The following KMO variants were observed in gnomAD, a reference collection of about 807,000 sequenced individuals.
The protein encoded by KMO is kynurenine 3-hydroxylase.
Under a neutral mutation model 57.8 loss-of-function variants are expected in KMO, and 24 were observed. The ratio of observed to expected loss-of-function variants is 0.42; its 90% CI spans 0.30 to 0.58. The LOEUF (loss-of-function observed/expected upper bound fraction) is 0.58. Among genes scored for constraint, KMO ranks in the 20% least tolerant of loss-of-function variants. KMO has a pLI of 0.22. For missense variants in KMO, 483 were observed against 588.2 expected (o/e 0.82, Z 1.85); for synonymous variants, 210 against 193.6 (o/e 1.08, Z -0.70).
intron 1 of KMO, among the ~76,000 whole-genome samples, chr1:241,548,387 T>C (rs1165983636): frequency 6.6e-6 from 1 of 152,160 alleles, no homozygotes; most frequent in East Asian, 1.9e-4. Context: ...AGAATAATGT[T>C]TACGTCTATG....
intron 12 of KMO, among the ~76,000 whole-genome samples, chr1:241,589,381 T>C (rs1558433069): frequency 6.6e-6 from 1 of 152,218 alleles, no homozygotes; most frequent in Non-Finnish European, 1.5e-5. Flanking sequence ...ATTGTGATTA[T>C]AGTTTTAAAA....
At chr1:241,591,178 C>A (rs953281069) in intron 14 of KMO, among the ~76,000 whole-genome samples, 2 of 152,078 alleles carry the variant, frequency 1.3e-5, no homozygotes, top group African/African-American at 2.4e-5. Context: ...GGAAAAGATA[C>A]CAGCAGGCAG....
intron 1 of KMO, among the ~76,000 whole-genome samples, chr1:241,539,810 C>T (rs532627888): frequency 1.3e-5 from 2 of 152,218 alleles, no homozygotes; most frequent in African/African-American, 4.8e-5. Context: ...GTGTGGAGCT[C>T]GGAATTGGCC....
intron 1 of KMO, among the ~76,000 whole-genome samples, chr1:241,534,793 A>T (rs144051467): frequency 9.8e-4 from 149 of 152,334 alleles, no homozygotes; most frequent in African/African-American, 3.3e-3. Context: ...GAGTCTGATC[A>T]TTATCATCCC....
At chr1:241,558,431 T>C (rs764335686) in intron 5 of KMO, among the ~76,000 whole-genome samples, 10 of 152,218 alleles carry the variant, frequency 6.6e-5, no homozygotes, top group Non-Finnish European at 1.3e-4. Context: ...TTTAATCAAT[T>C]GTAAATTCTC....
chr1:241,556,680 C>G (rs1305226055), intron 5 of KMO, among the ~76,000 whole-genome samples: 2 of 152,096 alleles, frequency 1.3e-5, no homozygotes, highest in African/African-American at 4.8e-5. Context: ...GAGTTTGAGA[C>G]CAGCCTGGCC....
chr1:241,542,821 A>G (rs1432528819), intron 1 of KMO, among the ~76,000 whole-genome samples: 2 of 152,188 alleles, frequency 1.3e-5, no homozygotes, highest in Non-Finnish European at 2.9e-5. Context: ...TTTCTGTCTT[A>G]GTCCTTCCTG....
intron 12 of KMO, among the ~76,000 whole-genome samples, chr1:241,589,663 T>C (rs975552795): frequency 6.6e-6 from 1 of 152,188 alleles, no homozygotes; most frequent in African/African-American, 2.4e-5. Flanking sequence ...GTAAGCAATA[T>C]TACAAAACAA....
Position 241,592,060 on chromosome 1 carries a change from A to G in KMO, c.1368A>G (p.Pro456=), listed in dbSNP as rs748114336. ...SPRSFLRLRR[P]WNWIAHFRNT... Reference sequence around the variant, plus strand: ...GATCTTTCCTCCGCTTGAGAAGACCATGGAACTGGATAGCTCACTTCCGGA... The same window carrying G: ...GATCTTTCCTCCGCTTGAGAAGACCGTGGAACTGGATAGCTCACTTCCGGA... The change falls in exon 15 of 15, where the codon CCA becomes CCG. Residue 456 remains proline (P), a synonymous_variant. Transcript: ENST00000366559. The G allele has an allele frequency of 1.2e-6, 2 of 1,614,014 alleles. No homozygotes were observed. Among genetic ancestry groups the G allele is most frequent in the Non-Finnish European group, 8.5e-7 (1 of 1,179,928 alleles).
At chr1:241,541,819 A>G (rs1660968407) in intron 1 of KMO, among the ~76,000 whole-genome samples, 1 of 152,196 alleles carries the variant, frequency 6.6e-6, no homozygotes, top group African/African-American at 2.4e-5. Context: ...AAAGATCAAA[A>G]TCTTGAGACG....
At chr1:241,555,877 G>A in intron 5 of KMO, 1 of 381,574 alleles carries the variant, frequency 2.6e-6, no homozygotes, top group Non-Finnish European at 4.7e-6. Context: ...CTTGAGTCCA[G>A]GAATTTGAGA....
At position 241,593,825 on chromosome 1, in the gene KMO, T is replaced by C. The variant is rs1663409268; in HGVS notation, c.*1672T>C. 2 of 153,550 alleles carry C rather than the reference T, an allele frequency of 1.3e-5. No homozygotes were observed. The highest frequency in any genetic ancestry group is 4.8e-5 in the African/African-American group (2 of 41,468). 9.5% of individuals were successfully genotyped at this position (153,550 alleles called of 1,614,324 possible). Reference sequence around the variant, plus strand: ...TGGGGGAAGCAAATATATGGGAGTTTGCCTTGTAGATTCCTCTGGTGCTGG... The same window carrying C: ...TGGGGGAAGCAAATATATGGGAGTTCGCCTTGTAGATTCCTCTGGTGCTGG... On this transcript the variant is annotated 3_prime_UTR_variant, in exon 15 of 15. Coordinates refer to ENST00000366559, the MANE Select transcript of KMO (RefSeq NM_003679.5).
intron 6 of KMO, 49 bp from the exon 7 acceptor site, chr1:241,562,118 T>G: frequency 6.5e-7 from 1 of 1,536,460 alleles, no homozygotes; most frequent in African/African-American, 1.4e-5. Context: ...CATCATCATT[T>G]TCACCACTAG....
chr1:241,589,873 T>C, intron 12 of KMO, 139 bp from the exon 13 acceptor site: 3 of 688,908 alleles, frequency 4.4e-6, no homozygotes, highest in South Asian at 3.6e-5. Flanking sequence ...GGATTGGGAA[T>C]GACATTATGG....
intron 10 of KMO, among the ~76,000 whole-genome samples, chr1:241,583,680 G>T (rs1188588452): frequency 6.6e-6 from 1 of 152,040 alleles, no homozygotes; most frequent in East Asian, 1.9e-4. Context: ...GTATATAATT[G>T]TTATACTGTA....
At chr1:241,542,374 G>C (rs1286952436) in intron 1 of KMO, among the ~76,000 whole-genome samples, 1 of 152,192 alleles carries the variant, frequency 6.6e-6, no homozygotes, top group South Asian at 2.1e-4. Flanking sequence ...GAAGTATGAC[G>C]AGACAGAAGA....
At chr1:241,533,401 C>T (rs1660644601) in intron 1 of KMO, among the ~76,000 whole-genome samples, 1 of 152,174 alleles carries the variant, frequency 6.6e-6, no homozygotes, top group African/African-American at 2.4e-5. Flanking sequence ...ATATTTTATG[C>T]CACACATGTA....
chr1:241,585,851 T>G (rs1247281349), intron 10 of KMO, among the ~76,000 whole-genome samples: 8 of 151,962 alleles, frequency 5.3e-5, no homozygotes, highest in African/African-American at 1.9e-4. Context: ...ACAGGAAACA[T>G]TGTTTTCAAT....
chr1:241,540,776 A>T (rs1660930035), intron 1 of KMO, among the ~76,000 whole-genome samples: 1 of 152,210 alleles, frequency 6.6e-6, no homozygotes, highest in African/African-American at 2.4e-5. Context: ...TTAGAAGATA[A>T]TTAGTGATTG....
Sources: allele counts gnomAD v4.1 joint callset (sites outside exome capture counted in the v4.1 genomes callset), GRCh38; gene constraint gnomAD v4.1.1; transcripts MANE v1.5; gene names NCBI Gene and HGNC (gene_info 2026-07-23, HGNC 2026-07-21).